Variants in NUDT5 observed in about 807,000 individuals in gnomAD.
NUDT5 encodes the protein ADP-sugar pyrophosphatase.
NUDT5 carries 21 observed loss-of-function variants against 34.1 expected under a neutral mutation model. That is an observed-to-expected ratio of 0.62 (90% CI 0.44 to 0.89). The LOEUF (loss-of-function observed/expected upper bound fraction) is 0.89, where lower values mean the gene tolerates loss of function less well. NUDT5 is among the 40% of genes least tolerant of loss of function. NUDT5 has a pLI of 0.00. For synonymous variants in NUDT5, 85 were observed against 97.6 expected, an observed-to-expected ratio of 0.87 and a Z score of 0.76; for missense variants, 249 against 274.8, an observed-to-expected ratio of 0.91 and a Z score of 0.66.
chr10:12,167,439 ACTG>A lies in NUDT5; in HGVS notation c.*260_*262del, dbSNP rs1249633964. ...TAGAAAAGTAACTGAGCTGTAGTTA[ACTG>A]CTGTTGAGCTTTAAAAAAATTGGAG... On this transcript the variant is annotated 3_prime_UTR_variant, in exon 10 of 10. Coordinates refer to ENST00000491614, the MANE Select transcript of NUDT5 (RefSeq NM_014142.4). The A allele has an allele frequency of 1.1e-5, 4 of 363,334 alleles. No homozygotes were observed. The highest frequency in any genetic ancestry group is 8.7e-5 in the African/African-American group (4 of 46,194). 22.5% of individuals were successfully genotyped at this position (363,334 alleles called of 1,614,324 possible).
Position 12,173,909 on chromosome 10 carries a change from C to G in NUDT5, c.290-96G>C. 1 of 888,756 alleles carries G rather than the reference C, an allele frequency of 1.1e-6. No individual in the cohort carries two copies. Among genetic ancestry groups the G allele is most frequent in the South Asian group, 1.3e-5 (1 of 74,556 alleles). 55.1% of individuals were successfully genotyped at this position (888,756 alleles called of 1,614,324 possible). ...TGAGATGGAGTCTCACTCTGTCGCC[C>G]AGGCTGGAGTGCAGTGGTGCGATCT... is the stretch of plus-strand genomic sequence containing the variant. On this transcript the variant is annotated intron_variant, in intron 5 of 9. Coordinates refer to ENST00000491614, the MANE Select transcript of NUDT5 (RefSeq NM_014142.4). The surrounding 1 kb of genome is among the most constrained non-coding windows in gnomAD (Gnocchi z 4.7).
At chr10:12,177,687 C>G (rs2131706225) in intron 5 of NUDT5, 106 bp downstream of exon 5, 1 of 836,676 alleles carries the variant, frequency 1.2e-6, no homozygotes, top group Middle Eastern at 3.1e-4. Context: ...TTACTTAAAA[C>G]CACAAGGACA....
intron 1 of NUDT5, among the ~76,000 whole-genome samples, chr10:12,188,782 T>TC (rs904326843): frequency 7.3e-6 from 1 of 136,202 alleles, no homozygotes; most frequent in Non-Finnish European, 1.6e-5. Flanking sequence ...AGACCCTCAC[T>TC]CCCCCGGACC....
In NUDT5 at chr10:12,169,617, C is replaced by G. The variant is rs548723573; in HGVS notation, c.550+1100G>C. 1 of 277,056 alleles carries G rather than the reference C, an allele frequency of 3.6e-6. No homozygotes were observed. Among genetic ancestry groups the G allele is most frequent in the African/African-American group, 2.2e-5 (1 of 45,246 alleles). 17.2% of individuals were successfully genotyped at this position (277,056 alleles called of 1,614,324 possible). On this transcript the variant is annotated intron_variant, in intron 9 of 9. Transcript: ENST00000491614. This position sits in a 1 kb window ranked among gnomAD's most constrained non-coding sequence, Gnocchi z 4.8. The stretch of plus-strand genomic sequence containing the variant: ...TGTTCTAACTCTGGCTTTGAGCTGT[C>G]GAGGTGGCTTCTACCTTAGGTCTAG...
chr10:12,181,572 C>T lies in NUDT5; in HGVS notation c.132-2440G>A, dbSNP rs1432512113. 1.3e-5 allele frequency among the ~76,000 whole-genome samples: 2 copies of T among 152,180 alleles called. No individual in the cohort carries two copies. Among genetic ancestry groups the T allele is most frequent in the African/African-American group, 2.4e-5 (1 of 41,424 alleles). On this transcript the variant is annotated intron_variant, in intron 3 of 9. Transcript: ENST00000491614. The surrounding 1 kb of genome is among the most constrained non-coding windows in gnomAD (Gnocchi z 5.0). ...CACAATGAGTCATGCACATAGGTCT[C>T]AGCCCTGTGTAGGGTGTTGTGGGGA...
At position 12,170,944 on chromosome 10, in the gene NUDT5, C is replaced by T. The variant is rs763413039; in HGVS notation, c.488-36G>A. Reference sequence around the variant, plus strand: ...ACAGAAGGAAAACATTTCAGCAAGGCCTGGAGTGGTAACATCGGAAGACTT... The same window carrying T: ...ACAGAAGGAAAACATTTCAGCAAGGTCTGGAGTGGTAACATCGGAAGACTT... On this transcript the variant is annotated intron_variant, in intron 7 of 9. Coordinates refer to ENST00000491614, the MANE Select transcript of NUDT5 (RefSeq NM_014142.4). This position sits in a 1 kb window ranked among gnomAD's most constrained non-coding sequence, Gnocchi z 4.9. 8.7e-6 allele frequency: 14 copies of T among 1,609,966 alleles called. No individual in the cohort carries two copies. The Admixed American group carries it at 2.4e-4, about 27-fold the overall frequency.
intron 1 of NUDT5, among the ~76,000 whole-genome samples, chr10:12,190,316 C>T (rs1484103268): frequency 6.6e-6 from 1 of 152,156 alleles, no homozygotes; most frequent in Non-Finnish European, 1.5e-5. Flanking sequence ...ATGTGTAATT[C>T]TCCAGAGCAT....
chr10:12,172,146 C>T (rs1834869457), intron 7 of NUDT5, among the ~76,000 whole-genome samples: 1 of 152,096 alleles, frequency 6.6e-6, no homozygotes, highest in Non-Finnish European at 1.5e-5. Flanking sequence ...TATAAATACC[C>T]CCTTTAAAAG....
rs1185807064 is a variant in NUDT5, at chr10:12,171,121, ATG to A, written c.488-215_488-214del. Among the ~76,000 whole-genome samples the A allele has an allele frequency of 6.6e-6, 1 of 152,230 alleles. No homozygotes were observed. The highest frequency in any genetic ancestry group is 2.4e-5 in the African/African-American group (1 of 41,452). Reference sequence around the variant, plus strand: ...CAAAATTTAAAGCATATTCGATAGTATGTATATTTTTATAGATATGAATCTGC... The same window carrying A: ...CAAAATTTAAAGCATATTCGATAGTATATATTTTTATAGATATGAATCTGC... On this transcript the variant is annotated intron_variant, in intron 7 of 9. Coordinates refer to ENST00000491614, the MANE Select transcript of NUDT5 (RefSeq NM_014142.4). This position sits in a 1 kb window ranked among gnomAD's most constrained non-coding sequence, Gnocchi z 4.2.
At chr10:12,177,050 A>G (rs1834962089) in intron 5 of NUDT5, among the ~76,000 whole-genome samples, 1 of 151,090 alleles carries the variant, frequency 6.6e-6, no homozygotes, top group Admixed American at 6.6e-5. Context: ...TGAACCCAGG[A>G]GGCGGAGGTT....
intron 3 of NUDT5, among the ~76,000 whole-genome samples, chr10:12,179,767 T>C (rs1835015606): frequency 6.6e-6 from 1 of 152,240 alleles, no homozygotes; most frequent in Non-Finnish European, 1.5e-5. Context: ...GCTATTGGTT[T>C]CTGACTGTTA....
At chr10:12,193,115 G>A (rs1398301341) in intron 1 of NUDT5, among the ~76,000 whole-genome samples, 1 of 152,146 alleles carries the variant, frequency 6.6e-6, no homozygotes, top group African/African-American at 2.4e-5. Context: ...CCCTTGGGAA[G>A]GTGAATTGGT....
chr10:12,167,853 G>C, intron 9 of NUDT5, 42 bp from the exon 10 acceptor site: 1 of 1,610,032 alleles, frequency 6.2e-7, no homozygotes, highest in Non-Finnish European at 8.5e-7. Flanking sequence ...TGCCGTTAAG[G>C]AAGGACAAAA....
At chr10:12,186,436 C>T (rs1835130545) in intron 1 of NUDT5, 104 bp from the exon 2 acceptor site, 2 of 658,430 alleles carry the variant, frequency 3.0e-6, no homozygotes, top group Non-Finnish European at 5.4e-6. Context: ...AATTCATCTA[C>T]CATCAACGCT....
At chr10:12,174,855 G>T (rs1345103869) in intron 5 of NUDT5, among the ~76,000 whole-genome samples, 3 of 152,160 alleles carry the variant, frequency 2.0e-5, no homozygotes, top group Admixed American at 1.3e-4. Context: ...AGCATCACCT[G>T]TCTTGTCTTC....
At chr10:12,194,896 TCACGCCTTG>T (rs1271666568) in intron 1 of NUDT5, among the ~76,000 whole-genome samples, 2 of 170 alleles carry the variant, frequency 0.012, no homozygotes, top group African/African-American at 0.015. Flanking sequence ...GGGCCGTGGC[TCACGCCTTG>T]TAAACCCAGC....
At chr10:12,194,472 G>A (rs1428778612) in intron 1 of NUDT5, among the ~76,000 whole-genome samples, 3 of 152,182 alleles carry the variant, frequency 2.0e-5, no homozygotes, top group African/African-American at 7.2e-5. Flanking sequence ...CATAGTTCCG[G>A]ATCAAGGCAT....
In NUDT5 at chr10:12,181,838, A is replaced by AT. The variant is rs968499208; in HGVS notation, c.132-2707dup. On this transcript the variant is annotated intron_variant, in intron 3 of 9. Coordinates refer to ENST00000491614, the MANE Select transcript of NUDT5 (RefSeq NM_014142.4). The surrounding 1 kb of genome is among the most constrained non-coding windows in gnomAD (Gnocchi z 5.0). ...TACTAAAAAAATAAAAATTAAATAA[A>AT]TTTAAAAAAAAAGGATATGGCCGGA... Among the ~76,000 whole-genome samples the AT allele has an allele frequency of 2.6e-5, 4 of 151,878 alleles. No individual in the cohort carries two copies. Among genetic ancestry groups the AT allele is most frequent in the African/African-American group, 9.7e-5 (4 of 41,334 alleles).
Position 12,186,273 on chromosome 10 carries a change from T to C in NUDT5, c.19A>G (p.Thr7Ala), listed in dbSNP as rs866334839. 1 of 1,613,742 alleles carries C rather than the reference T, an allele frequency of 6.2e-7. No individual in the cohort carries two copies. The highest frequency in any genetic ancestry group is 1.3e-5 in the African/African-American group (1 of 74,950). Residue 7 changes from threonine to alanine, a missense_variant, in exon 2 of 10, where the codon ACG becomes GCG. Transcript: ENST00000491614. Reference sequence around the variant, plus strand: ...TGTTTGCCATTCTGAGAAGATTCCGTTGGTTCTTGGCTCTCCATTTTCAAA... The same window carrying C: ...TGTTTGCCATTCTGAGAAGATTCCGCTGGTTCTTGGCTCTCCATTTTCAAA... MESQEP[T>A]ESSQNGKQYI...
Sources: allele counts gnomAD v4.1 joint callset (sites outside exome capture counted in the v4.1 genomes callset), GRCh38; gene constraint gnomAD v4.1.1; non-coding constraint Gnocchi (gnomAD v3.1); transcripts MANE v1.5; gene names NCBI Gene and HGNC (gene_info 2026-07-23, HGNC 2026-07-21).